IGF2BP3: variants seen among roughly 807,000 people sequenced by gnomAD.
IGF2BP3 encodes the protein insulin-like growth factor 2 mRNA-binding protein 3.
IGF2BP3 carries 9 observed loss-of-function variants against 73.8 expected under a neutral mutation model. The observed-to-expected ratio is 0.12, with a 90% CI of 0.07 to 0.21. The LOEUF is 0.21. Ranked by LOEUF, IGF2BP3 falls within the 10% of genes least tolerant of loss-of-function variation. The pLI, the probability that IGF2BP3 is intolerant of heterozygous loss-of-function variation, is 1.00. For missense variants in IGF2BP3, 542 were observed against 714.0 expected (o/e 0.76, Z 2.75); for synonymous variants, 258 against 256.7 (o/e 1.01, Z -0.05).
rs181664880 is a variant in IGF2BP3, at chr7:23,315,095, C to T, written c.1396-1442G>A. Among the ~76,000 whole-genome samples, 179 of 152,096 alleles carry T rather than the reference C, an allele frequency of 1.2e-3. 1 individual carries two copies. The highest frequency in any genetic ancestry group is 0.01 in the Middle Eastern group (3 of 292). On this transcript the variant is annotated intron_variant, in intron 12 of 14. Transcript: ENST00000258729. ...TGGGATTATGGGCATGAGCCACTCA[C>T]TGTGCCCTGCCTTTTATTTTTTTTT... is the stretch of plus-strand genomic sequence containing the variant.
At position 23,367,222 on chromosome 7, in the gene IGF2BP3, C is replaced by G. The variant is rs142298776; in HGVS notation, c.286-5481G>C. 4.7e-3 allele frequency among the ~76,000 whole-genome samples: 708 copies of G among 152,210 alleles called. 4 individuals are homozygous for G. Among genetic ancestry groups the G allele is most frequent in the African/African-American group, 0.016 (679 of 41,526 alleles). On this transcript the variant is annotated intron_variant, in intron 3 of 14. Transcript: ENST00000258729. ...CGAATTCCTGAGCTCAAGTGATCTG[C>G]CTGCCTCAGCCTTCCCAAATGCTGG...
intron 2 of IGF2BP3, among the ~76,000 whole-genome samples, chr7:23,423,457 C>T (rs1394405676): frequency 1.3e-5 from 2 of 151,988 alleles, no homozygotes; most frequent in Non-Finnish European, 1.5e-5. Flanking sequence ...TATTAATTAC[C>T]AAGTCATTAA....
At chr7:23,389,555 A>T (rs1462940868) in intron 3 of IGF2BP3, among the ~76,000 whole-genome samples, 95 of 149,584 alleles carry the variant, frequency 6.4e-4, no homozygotes, top group South Asian at 2.6e-3. Flanking sequence ...TTTTTTTTTT[A>T]AATTACAAGA....
At chr7:23,462,506 C>T (rs893193204) in intron 2 of IGF2BP3, among the ~76,000 whole-genome samples, 3 of 152,046 alleles carry the variant, frequency 2.0e-5, no homozygotes, top group Admixed American at 6.6e-5. Flanking sequence ...GGACTAAAGG[C>T]GACCGCCACC....
At chr7:23,357,989 AG>A (rs1385779011) in intron 5 of IGF2BP3, among the ~76,000 whole-genome samples, 3 of 152,240 alleles carry the variant, frequency 2.0e-5, no homozygotes, top group African/African-American at 4.8e-5. Context: ...AAACAATAAC[AG>A]GGGAGCAGAA....
At position 23,345,946 on chromosome 7, in the gene IGF2BP3, A is replaced by G; in HGVS notation, c.935T>C (p.Ile312Thr). The G allele has an allele frequency of 6.2e-7, 1 of 1,612,304 alleles. No homozygotes were observed. The highest frequency in any genetic ancestry group is 8.5e-7 in the Non-Finnish European group (1 of 1,179,926). Residue 312 changes from isoleucine (I) to threonine (T), a missense_variant, in exon 8 of 15, where the codon ATA (isoleucine) becomes ACA (threonine). Ile to Thr is a moderately conservative substitution (Grantham distance 89). Coordinates refer to ENST00000258729, the MANE Select transcript of IGF2BP3 (RefSeq NM_006547.3). ...IEQDTDTKIT[I>T]SPLQELTLYN... is the part of the protein sequence containing the mutation. ...AAAGCAAAGGAGCACTCACGGAGATATCGTGATTTTAGTGTCTGTGTCTTG... is the reference window on the plus strand; with the variant it reads ...AAAGCAAAGGAGCACTCACGGAGATGTCGTGATTTTAGTGTCTGTGTCTTG...
At chr7:23,326,510 A>G (rs535306473) in intron 10 of IGF2BP3, among the ~76,000 whole-genome samples, 2,564 of 150,852 alleles carry the variant, frequency 0.017, 66 homozygotes, top group African/African-American at 0.059. Flanking sequence ...TCAGTGTGGC[A>G]ATTCCTCAGG....
At chr7:23,405,373 T>G (rs1236942374) in intron 3 of IGF2BP3, among the ~76,000 whole-genome samples, 1 of 152,182 alleles carries the variant, frequency 6.6e-6, no homozygotes, top group Admixed American at 6.5e-5. Context: ...ACAGACAGAC[T>G]AGGAACTCTA....
intron 2 of IGF2BP3, among the ~76,000 whole-genome samples, chr7:23,448,117 C>CTTA (rs1434475933): frequency 6.6e-6 from 1 of 152,202 alleles, no homozygotes; most frequent in Non-Finnish European, 1.5e-5. Context: ...TTTGGTCATC[C>CTTA]TTAAAAATAC....
At chr7:23,398,280 T>C (rs939850816) in intron 3 of IGF2BP3, among the ~76,000 whole-genome samples, 5 of 152,214 alleles carry the variant, frequency 3.3e-5, no homozygotes, top group Admixed American at 2.0e-4. Flanking sequence ...CCATGGTGTA[T>C]ATGTGCCACA....
At chr7:23,417,625 G>C (rs139837071) in intron 3 of IGF2BP3, among the ~76,000 whole-genome samples, 1 of 151,776 alleles carries the variant, frequency 6.6e-6, no homozygotes, top group African/African-American at 2.4e-5. Flanking sequence ...TGTAGCTCCT[G>C]AACAAAAAAA....
intron 2 of IGF2BP3, among the ~76,000 whole-genome samples, chr7:23,451,425 GTTTT>G (rs764098068): frequency 1.3e-5 from 2 of 151,630 alleles, no homozygotes; most frequent in Non-Finnish European, 2.9e-5. Context: ...TCAAAAAAGA[GTTTT>G]TTATTTAAAA....
At chr7:23,466,507 A>C (rs1693553473) in intron 2 of IGF2BP3, among the ~76,000 whole-genome samples, 1 of 152,244 alleles carries the variant, frequency 6.6e-6, no homozygotes, top group African/African-American at 2.4e-5. Flanking sequence ...GAACTTGAAA[A>C]ATGAACTTGA....
intron 10 of IGF2BP3, among the ~76,000 whole-genome samples, chr7:23,335,751 C>T (rs1324663420): frequency 6.6e-6 from 1 of 152,232 alleles, no homozygotes; most frequent in Non-Finnish European, 1.5e-5. Context: ...TTCTGCCAAT[C>T]CAACTGTATG....
chr7:23,359,169 A>AT (rs1785165083), intron 5 of IGF2BP3, among the ~76,000 whole-genome samples: 1 of 152,256 alleles, frequency 6.6e-6, no homozygotes, highest in Non-Finnish European at 1.5e-5. Flanking sequence ...GTGTGTCTAC[A>AT]TTCAGTTTGC....
chr7:23,435,208 G>A (rs933051888), intron 2 of IGF2BP3, among the ~76,000 whole-genome samples: 3 of 141,976 alleles, frequency 2.1e-5, no homozygotes, highest in Admixed American at 1.5e-4. Context: ...CAGGAGAATC[G>A]CTTGAACCCG....
intron 3 of IGF2BP3, among the ~76,000 whole-genome samples, chr7:23,412,842 CTTTTTTTTTTTTTTTTTTTTTTTT>C (rs557467066): frequency 2.7e-5 from 1 of 36,978 alleles, no homozygotes; most frequent in African/African-American, 1.1e-4. Context: ...AGACTCTGGC[CTTTTTTTTTTTTTTTTTTTTTTTT>C]TTTTTTTTTT....
chr7:23,386,761 C>T (rs778599133), intron 3 of IGF2BP3, among the ~76,000 whole-genome samples: 12 of 151,902 alleles, frequency 7.9e-5, no homozygotes, highest in Non-Finnish European at 1.5e-4. Context: ...CTATTTCATC[C>T]AGGTGATCAA....
At chr7:23,412,369 T>A (rs2128531873) in intron 3 of IGF2BP3, among the ~76,000 whole-genome samples, 1 of 152,292 alleles carries the variant, frequency 6.6e-6, no homozygotes, top group African/African-American at 2.4e-5. Context: ...ATCAATTAAG[T>A]CCAGGAAAAA....
Sources: allele counts gnomAD v4.1 joint callset (sites outside exome capture counted in the v4.1 genomes callset), GRCh38; gene constraint gnomAD v4.1.1; transcripts MANE v1.5; gene names NCBI Gene and HGNC (gene_info 2026-07-23, HGNC 2026-07-21).